The following YTHDC1 variants were observed in gnomAD, a reference collection of about 807,000 sequenced individuals.
YTHDC1 encodes YTH N6-methyladenosine RNA binding protein C1.
YTHDC1 carries 12 observed loss-of-function variants against 107.0 expected under a neutral mutation model. The observed-to-expected ratio is 0.11, with a 90% CI of 0.07 to 0.18. The LOEUF (loss-of-function observed/expected upper bound fraction) is 0.18, where lower values mean the gene tolerates loss of function less well. Among genes scored for constraint, YTHDC1 ranks in the 10% least tolerant of loss-of-function variants. YTHDC1 has a pLI of 1.00. For missense variants in YTHDC1, 635 were observed against 898.8 expected, an observed-to-expected ratio of 0.71 and a Z score of 3.75; for synonymous variants, 280 against 289.5, an observed-to-expected ratio of 0.97 and a Z score of 0.33.
chr4:68,346,978 T>C (rs1416258560), intron 1 of YTHDC1, among the ~76,000 whole-genome samples: 3 of 152,202 alleles, frequency 2.0e-5, no homozygotes, highest in Admixed American at 6.5e-5. Context: ...AGGGGAGAAC[T>C]GTTGTATAAC....
intron 12 of YTHDC1, among the ~76,000 whole-genome samples, chr4:68,319,595 T>C (rs1722227169): frequency 6.6e-6 from 1 of 152,178 alleles, no homozygotes; most frequent in South Asian, 2.1e-4. Context: ...TCACTGACTC[T>C]CTTCAAATAC....
At chr4:68,337,982 A>G in intron 2 of YTHDC1, 82 bp from the exon 3 acceptor site, 1 of 1,505,992 alleles carries the variant, frequency 6.6e-7, no homozygotes. Flanking sequence ...AATAATATAT[A>G]CATCAGGAAG....
chr4:68,318,900 T>C (rs770533119), intron 12 of YTHDC1, 38 bp from the exon 13 acceptor site: 23 of 1,607,462 alleles, frequency 1.4e-5, no homozygotes, highest in Non-Finnish European at 2.0e-5. Flanking sequence ...ATCAAATTTA[T>C]ATTTTTCTTT....
chr4:68,349,795 T>A lies in YTHDC1; in HGVS notation c.-42A>T. On this transcript the variant is annotated 5_prime_UTR_variant, in exon 1 of 17. In the 5' UTR this introduces an upstream ATG that the reference lacks. Coordinates refer to ENST00000344157, the MANE Select transcript of YTHDC1 (RefSeq NM_001031732.4). ...CCGCCGCTGCCACCGCCGCCGCCGC[T>A]TAGACGCGACTCGCGCGGGCGCCGC... 6.2e-7 allele frequency: 1 copy of A among 1,612,016 alleles called. No individual in the cohort carries two copies. The highest frequency in any genetic ancestry group is 8.5e-7 in the Non-Finnish European group (1 of 1,179,266).
At position 68,313,839 on chromosome 4, in the gene YTHDC1, G is replaced by C; in HGVS notation, c.*260C>G. The C allele has an allele frequency of 6.1e-6, 3 of 490,886 alleles. No individual in the cohort carries two copies. The highest frequency in any genetic ancestry group is 1.1e-5 in the Non-Finnish European group (3 of 278,106). 30.4% of individuals were successfully genotyped at this position (490,886 alleles called of 1,614,324 possible). A position where few individuals can be genotyped will look rare whatever the true frequency, so the allele number is the denominator to read the frequency against. ...AAGAACATTTATGGAGAAAGAATCA[G>C]TATCTACATTCTTGGACTGTTCCAT... On this transcript the variant is annotated 3_prime_UTR_variant, in exon 17 of 17. Coordinates refer to ENST00000344157, the MANE Select transcript of YTHDC1 (RefSeq NM_001031732.4).
In YTHDC1 at chr4:68,327,092, C is replaced by T. The variant is rs181943943; in HGVS notation, c.1350-2869G>A. 2.6e-4 allele frequency among the ~76,000 whole-genome samples: 39 copies of T among 151,500 alleles called. 1 individual carries two copies. In the East Asian group the frequency reaches 7.4e-3, roughly 29 times the overall value. ...TCTCTACTAAAAATAAAAAATTAGC[C>T]GGGCGTGGTGGCACATGCCTGTAAT... On this transcript the variant is annotated intron_variant, in intron 9 of 16. Coordinates refer to ENST00000344157, the MANE Select transcript of YTHDC1 (RefSeq NM_001031732.4).
At chr4:68,323,174 CA>C (rs542574343) in intron 10 of YTHDC1, among the ~76,000 whole-genome samples, 63 of 152,228 alleles carry the variant, frequency 4.1e-4, no homozygotes, top group African/African-American at 1.3e-3. Context: ...CTGTGACAAC[CA>C]CCCTCTGAAA....
chr4:68,341,256 A>C (rs999199856), intron 1 of YTHDC1, among the ~76,000 whole-genome samples: 6 of 152,184 alleles, frequency 3.9e-5, no homozygotes, highest in South Asian at 2.1e-4. Context: ...GGGAACAATA[A>C]AAGCAACTTT....
At position 68,339,124 on chromosome 4, in the gene YTHDC1, G is replaced by C. The variant is rs185729087; in HGVS notation, c.29-740C>G. Among the ~76,000 whole-genome samples the C allele has an allele frequency of 8.6e-4, 131 of 152,328 alleles. 1 individual carries two copies. The highest frequency in any genetic ancestry group is 6.8e-3 in the Middle Eastern group (2 of 294). The stretch of plus-strand genomic sequence containing the variant: ...AAAGGGAAAACGACTTTACAGTGGA[G>C]AAATGTTTCACAGGCCAAATTAACC... On this transcript the variant is annotated intron_variant, in intron 1 of 16. Transcript: ENST00000344157.
At chr4:68,333,143 AAAT>A (rs1430844195) in intron 5 of YTHDC1, among the ~76,000 whole-genome samples, 162 bp downstream of exon 5, 2 of 152,198 alleles carry the variant, frequency 1.3e-5, no homozygotes, top group African/African-American at 2.4e-5. Context: ...AACAGGATTA[AAAT>A]AATAAGAAAA....
Position 68,332,786 on chromosome 4 carries a change from A to G in YTHDC1, c.1027+8T>C. On this transcript the variant is annotated splice_region_variant and intron_variant, in intron 6 of 16. Transcript: ENST00000344157. Reference sequence around the variant, plus strand: ...TGCAATGAAAACAATTTCAAATTTAAATGATACCTTTTCGGACAGCACGAA... The same window carrying G: ...TGCAATGAAAACAATTTCAAATTTAGATGATACCTTTTCGGACAGCACGAA... 1.2e-6 allele frequency: 2 copies of G among 1,612,466 alleles called. No homozygotes were observed. Among genetic ancestry groups the G allele is most frequent in the Non-Finnish European group, 1.7e-6 (2 of 1,179,214 alleles).
chr4:68,332,376 T>C (rs549681040), intron 6 of YTHDC1, among the ~76,000 whole-genome samples, 179 bp from the exon 7 acceptor site: 44 of 152,072 alleles, frequency 2.9e-4, no homozygotes, highest in African/African-American at 1.1e-3. Context: ...GAAAAGACAA[T>C]CAGCATATTG....
In YTHDC1 at chr4:68,337,224, CCATCTTCATCCACCTCTT is replaced by C. The variant is rs760761702; in HGVS notation, c.668_685del (p.Glu223_Asp228del). On this transcript the variant is annotated inframe_deletion, in exon 4 of 17. Transcript: ENST00000344157. ...CTCCTCCTCTTCCTCCTCCTCCTCT[CCATCTTCATCCACCTCTT>C]CATCTTCTTCTGCATCTTCTTCTAC... is the stretch of plus-strand genomic sequence containing the variant. 3 of 1,597,490 alleles carry C rather than the reference CCATCTTCATCCACCTCTT, an allele frequency of 1.9e-6. No individual in the cohort carries two copies. Among genetic ancestry groups the C allele is most frequent in the South Asian group, 2.2e-5 (2 of 90,418 alleles).
At position 68,349,722 on chromosome 4, in the gene YTHDC1, T is replaced by C; in HGVS notation, c.28+4A>G. On this transcript the variant is annotated splice_donor_region_variant and intron_variant, in intron 1 of 16. Transcript: ENST00000344157. Reference sequence around the variant, plus strand: ...CTCGGCCCGTCATCTTTCTCCGCACTAACCTTTCTCCTCCCGACTGTCAGC... The same window carrying C: ...CTCGGCCCGTCATCTTTCTCCGCACCAACCTTTCTCCTCCCGACTGTCAGC... 6.2e-7 allele frequency: 1 copy of C among 1,602,864 alleles called. No individual in the cohort carries two copies. Among genetic ancestry groups the C allele is most frequent in the Non-Finnish European group, 8.5e-7 (1 of 1,176,368 alleles).
chr4:68,334,873 A>G (rs1015625551), intron 4 of YTHDC1, among the ~76,000 whole-genome samples: 1 of 152,154 alleles, frequency 6.6e-6, no homozygotes, highest in African/African-American at 2.4e-5. Flanking sequence ...AGACAAAAAC[A>G]ATAATTAAAA....
intron 14 of YTHDC1, 26 bp from the exon 15 acceptor site, chr4:68,318,607 T>C: frequency 6.2e-7 from 1 of 1,606,648 alleles, no homozygotes; most frequent in Non-Finnish European, 8.5e-7. Flanking sequence ...ATAATGTCAA[T>C]ATAATTAAAA....
At chr4:68,348,873 T>C (rs1201073709) in intron 1 of YTHDC1, among the ~76,000 whole-genome samples, 2 of 152,190 alleles carry the variant, frequency 1.3e-5, no homozygotes, top group African/African-American at 4.8e-5. Flanking sequence ...AAAAAGATCT[T>C]AAAGCAGCAT....
At chr4:68,321,440 A>G (rs1318138609) in intron 11 of YTHDC1, among the ~76,000 whole-genome samples, 1 of 152,214 alleles carries the variant, frequency 6.6e-6, no homozygotes, top group Non-Finnish European at 1.5e-5. Flanking sequence ...TTCATATAGT[A>G]GTCCAACTAC....
Position 68,349,842 on chromosome 4 carries a change from C to A in YTHDC1, c.-89G>T, listed in dbSNP as rs1396569577. 7.6e-6 allele frequency: 12 copies of A among 1,586,086 alleles called. No homozygotes were observed. The highest frequency in any genetic ancestry group is 1.3e-5 in the African/African-American group (1 of 74,296). ...CCGCAGCCGCGGCAGAAGCACGGGC[C>A]CGTCCGTCAGTCCGTCTGCCCGGAT... On this transcript the variant is annotated 5_prime_UTR_variant, in exon 1 of 17. Transcript: ENST00000344157.
Sources: gnomAD v4.1 joint callset for allele counts (sites outside exome capture counted in the v4.1 genomes callset) on GRCh38, gnomAD v4.1.1 for gene constraint, MANE v1.5 for transcripts, NCBI Gene and HGNC (gene_info 2026-07-23, HGNC 2026-07-21) for gene names.